WDR59: variants seen among roughly 807,000 people sequenced by gnomAD.
WDR59 encodes GATOR2 complex protein WDR59.
WDR59 carries 100 observed loss-of-function variants against 131.2 expected under a neutral mutation model. The observed-to-expected ratio is 0.76, with a 90% confidence interval of 0.65 to 0.90. The LOEUF (loss-of-function observed/expected upper bound fraction) is 0.90, where lower values mean the gene tolerates loss of function less well. WDR59 is among the 40% of genes least tolerant of loss of function. WDR59 has a pLI of 0.00. For synonymous variants in WDR59, 601 were observed against 466.2 expected, an observed-to-expected ratio of 1.29 and a Z score of -3.72; for missense variants, 1,203 against 1,262.2, an observed-to-expected ratio of 0.95 and a Z score of 0.71.
At chr16:74,966,298 G>A (rs1422025786) in intron 1 of WDR59, among the ~76,000 whole-genome samples, 1 of 152,038 alleles carries the variant, frequency 6.6e-6, no homozygotes, top group Non-Finnish European at 1.5e-5. Context: ...TGGCCAACAT[G>A]GTGAAACCCC....
rs573548502 is a variant in WDR59, at chr16:74,873,877, C to T, written c.*332G>A. The T allele has an allele frequency of 9.1e-5, 26 of 285,330 alleles. No homozygotes were observed. The highest frequency in any genetic ancestry group is 1.6e-4 in the Non-Finnish European group (24 of 149,196). 17.7% of individuals were successfully genotyped at this position (285,330 alleles called of 1,614,324 possible). A position where few individuals can be genotyped will look rare whatever the true frequency, so the allele number is the denominator to read the frequency against. On this transcript the variant is annotated 3_prime_UTR_variant, in exon 26 of 26. Coordinates refer to ENST00000262144, the MANE Select transcript of WDR59 (RefSeq NM_030581.4). The stretch of plus-strand genomic sequence containing the variant: ...GCTGCTCGGTGGTTTAAGGCTAACA[C>T]CTTACAGGGTAACACTGTAACACTG...
chr16:74,879,271 T>C lies in WDR59; in HGVS notation c.2690-4827A>G, dbSNP rs147174824. On this transcript the variant is annotated intron_variant, in intron 25 of 25. Coordinates refer to ENST00000262144, the MANE Select transcript of WDR59 (RefSeq NM_030581.4). ...TACTTAGGAGACTGTGGTGGGAGGA[T>C]TGTTGAGCTCAGCAGGTCGAGGCTG... Among the ~76,000 whole-genome samples, 347 of 152,222 alleles carry C rather than the reference T, an allele frequency of 2.3e-3. 2 individuals carry two copies. The highest frequency in any genetic ancestry group is 7.3e-3 in the African/African-American group (305 of 41,538).
chr16:74,968,253 G>A (rs1347361967), intron 1 of WDR59, among the ~76,000 whole-genome samples: 2 of 152,190 alleles, frequency 1.3e-5, no homozygotes, highest in Non-Finnish European at 2.9e-5. Context: ...ATGTCTAGAT[G>A]TCAGAGACAG....
chr16:74,907,159 G>A (rs988752176), intron 17 of WDR59, among the ~76,000 whole-genome samples: 1 of 152,182 alleles, frequency 6.6e-6, no homozygotes, highest in Non-Finnish European at 1.5e-5. Context: ...TTACTGCAGA[G>A]ATTGGCCACC....
intron 2 of WDR59, among the ~76,000 whole-genome samples, chr16:74,964,977 T>A (rs1004689301): frequency 7.9e-5 from 12 of 151,570 alleles, no homozygotes; most frequent in African/African-American, 2.7e-4. Flanking sequence ...GGCAGGAGAA[T>A]CACTTGAACA....
chr16:74,895,797 T>C (rs948813154), intron 18 of WDR59, among the ~76,000 whole-genome samples: 1 of 152,192 alleles, frequency 6.6e-6, no homozygotes, highest in Non-Finnish European at 1.5e-5. Flanking sequence ...GCAAATAACC[T>C]GTCAGAATGG....
At chr16:74,983,464 C>G (rs867483116) in intron 1 of WDR59, among the ~76,000 whole-genome samples, 6 of 151,868 alleles carry the variant, frequency 4.0e-5, no homozygotes, top group Middle Eastern at 3.2e-3. Context: ...TAGAGTGAGA[C>G]TCTGTCTCAA....
chr16:74,964,850 G>A (rs187859746), intron 2 of WDR59, among the ~76,000 whole-genome samples: 1,834 of 152,104 alleles, frequency 0.012, 26 homozygotes, highest in Non-Finnish European at 0.017. Flanking sequence ...ATCACCTGAG[G>A]TCAGGAGTTC....
At chr16:74,965,901 T>A in intron 1 of WDR59, 79 bp from the exon 2 acceptor site, 1 of 1,509,910 alleles carries the variant, frequency 6.6e-7, no homozygotes. Flanking sequence ...TGGCTCTTCC[T>A]CTTCCTGTCT....
At chr16:74,958,611 A>AAAAAAAAAAC (rs1338230848) in intron 2 of WDR59, among the ~76,000 whole-genome samples, 2 of 140,146 alleles carry the variant, frequency 1.4e-5, no homozygotes, top group East Asian at 4.0e-4. Flanking sequence ...AAAAAAAAAA[A>AAAAAAAAAAC]AAAAAAAAAC....
intron 25 of WDR59, among the ~76,000 whole-genome samples, chr16:74,879,658 G>A (rs1176746378): frequency 1.3e-5 from 2 of 151,746 alleles, no homozygotes; most frequent in Non-Finnish European, 2.9e-5. Context: ...TATATACATT[G>A]AAATGAAACA....
chr16:74,881,639 C>T (rs1414197599), intron 25 of WDR59, among the ~76,000 whole-genome samples: 5 of 151,980 alleles, frequency 3.3e-5, no homozygotes, highest in African/African-American at 1.2e-4. Flanking sequence ...CTTTGGGAGG[C>T]CCAGGTGGGT....
intron 6 of WDR59, among the ~76,000 whole-genome samples, chr16:74,945,099 G>A (rs2032518537): frequency 1.3e-5 from 2 of 151,846 alleles, no homozygotes; most frequent in South Asian, 2.1e-4. Context: ...ACTATAGCCT[G>A]GCCGACAGAG....
Position 74,916,309 on chromosome 16 carries a change from T to C in WDR59, c.967-50A>G, listed in dbSNP as rs4888310. The stretch of plus-strand genomic sequence containing the variant: ...GTTCTAGAGAAGTCCGTGGAAATGA[T>C]TGTCATGTCTGATTAAAGAGTTCTG... On this transcript the variant is annotated intron_variant, in intron 11 of 25. Coordinates refer to ENST00000262144, the MANE Select transcript of WDR59 (RefSeq NM_030581.4). The C allele has an allele frequency of 5.6e-5, 90 of 1,609,696 alleles. No homozygotes were observed. The East Asian group carries it at 6.9e-4, about 12-fold the overall frequency.
rs758676455 is a variant in WDR59, at chr16:74,926,242, G to A, written c.652-2239C>T. On this transcript the variant is annotated intron_variant, in intron 8 of 25. Transcript: ENST00000262144. ...GCCTGGCTAATTTTTTGTATTTTTA[G>A]TAGAGACGGGGTTTCACCATGGCCA... Among the ~76,000 whole-genome samples the A allele has an allele frequency of 8.6e-5, 13 of 151,974 alleles. 1 individual carries two copies. The highest frequency in any genetic ancestry group is 1.5e-4 in the Non-Finnish European group (10 of 68,010).
intron 10 of WDR59, among the ~76,000 whole-genome samples, chr16:74,918,295 A>T (rs1168578995): frequency 6.6e-6 from 1 of 152,262 alleles, no homozygotes; most frequent in Admixed American, 6.5e-5. Context: ...AACTATTTTT[A>T]GATAGAACTC....
chr16:74,885,578 A>C (rs1964714017), intron 25 of WDR59, 75 bp downstream of exon 25: 1 of 1,489,152 alleles, frequency 6.7e-7, no homozygotes, highest in African/African-American at 1.4e-5. Flanking sequence ...CTTCATTCCA[A>C]GTCTGAGGCT....
intron 25 of WDR59, among the ~76,000 whole-genome samples, chr16:74,885,179 G>A (rs1964692879): frequency 6.6e-6 from 1 of 151,988 alleles, no homozygotes; most frequent in African/African-American, 2.4e-5. Flanking sequence ...CTGGGCATGC[G>A]CCATGGCTCA....
At chr16:74,889,532 T>C (rs1000051230) in intron 21 of WDR59, 171 bp downstream of exon 21, 13 of 593,008 alleles carry the variant, frequency 2.2e-5, no homozygotes, top group Non-Finnish European at 3.6e-5. Flanking sequence ...CTGTCTGCTA[T>C]AAGAAGTTTG....
Sources: allele counts gnomAD v4.1 joint callset (sites outside exome capture counted in the v4.1 genomes callset), GRCh38; gene constraint gnomAD v4.1.1; transcripts MANE v1.5; gene names NCBI Gene and HGNC (gene_info 2026-07-23, HGNC 2026-07-21).